The following CLASP2 variants were observed in gnomAD, a reference collection of about 807,000 sequenced individuals.
CLASP2 encodes CLIP-associating protein 2.
Under a neutral mutation model 194.4 loss-of-function variants are expected in CLASP2, and 47 were observed. The observed-to-expected ratio is 0.24, with a 90% confidence interval of 0.19 to 0.31. The LOEUF is 0.31. Ranked by LOEUF, CLASP2 falls within the 10% of genes least tolerant of loss-of-function variation. The pLI, the probability that CLASP2 is intolerant of heterozygous loss-of-function variation, is 1.00. For synonymous variants in CLASP2, 619 were observed against 633.5 expected (o/e 0.98, Z 0.34); for missense variants, 1,445 against 1,823.6 (o/e 0.79, Z 3.78).
chr3:33,568,160 G>A (rs1051150849), intron 26 of CLASP2, among the ~76,000 whole-genome samples: 1 of 152,002 alleles, frequency 6.6e-6, no homozygotes, highest in Non-Finnish European at 1.5e-5. Context: ...TATATGACAG[G>A]GGTCAGCAAA....
intron 26 of CLASP2, 129 bp downstream of exon 26, chr3:33,570,598 T>G: frequency 8.4e-7 from 1 of 1,186,766 alleles, no homozygotes; most frequent in Non-Finnish European, 1.2e-6. Flanking sequence ...ACCAAACAAT[T>G]TTAATTATGC....
chr3:33,575,157 T>C (rs1258085950), intron 24 of CLASP2, among the ~76,000 whole-genome samples: 1 of 152,146 alleles, frequency 6.6e-6, no homozygotes, highest in Non-Finnish European at 1.5e-5. Context: ...GTGATCAATA[T>C]ATCCCATGTT....
chr3:33,658,960 T>C, intron 7 of CLASP2: 1 of 1,532,770 alleles, frequency 6.5e-7, no homozygotes, highest in Non-Finnish European at 8.7e-7. Context: ...AGAAGAAAAA[T>C]AAATCTTACT....
intron 8 of CLASP2, among the ~76,000 whole-genome samples, chr3:33,633,423 G>A (rs982412249): frequency 1.3e-5 from 2 of 152,156 alleles, no homozygotes; most frequent in Non-Finnish European, 2.9e-5. Flanking sequence ...TGTTAAGCAG[G>A]AATAAATCTT....
chr3:33,541,346 A>G (rs1254193311), intron 32 of CLASP2, among the ~76,000 whole-genome samples: 5 of 152,150 alleles, frequency 3.3e-5, no homozygotes, highest in African/African-American at 1.2e-4. Context: ...TTTTAAGTTC[A>G]GGGGTATGTG....
intron 1 of CLASP2, among the ~76,000 whole-genome samples, chr3:33,716,929 G>T (rs1402007477): frequency 6.6e-6 from 1 of 152,126 alleles, no homozygotes; most frequent in East Asian, 1.9e-4. Context: ...TTCATCCATG[G>T]GAAGCTGCAG....
intron 6 of CLASP2, among the ~76,000 whole-genome samples, chr3:33,669,260 CAACA>C (rs1250427614): frequency 6.6e-5 from 10 of 151,986 alleles, no homozygotes; most frequent in Admixed American, 6.6e-5. Context: ...TTGCATTTGC[CAACA>C]AACAAACAAA....
At chr3:33,542,988 A>T (rs186444321) in intron 32 of CLASP2, among the ~76,000 whole-genome samples, 3 of 152,264 alleles carry the variant, frequency 2.0e-5, no homozygotes, top group Non-Finnish European at 4.4e-5. Flanking sequence ...TTCAAATAAA[A>T]TTTTTTTCAT....
intron 27 of CLASP2, among the ~76,000 whole-genome samples, chr3:33,563,295 C>A (rs1484217483): frequency 8.5e-5 from 13 of 152,154 alleles, no homozygotes; most frequent in Admixed American, 8.5e-4. Context: ...TCCCTTCTTT[C>A]TGGTTGCCAG....
intron 7 of CLASP2, 77 bp downstream of exon 7, chr3:33,663,368 G>T: frequency 9.7e-7 from 1 of 1,034,602 alleles, no homozygotes; most frequent in Non-Finnish European, 1.4e-6. Flanking sequence ...TTTTGAATCA[G>T]TGATATATAA....
chr3:33,602,757 G>C, intron 18 of CLASP2, 195 bp downstream of exon 18: 1 of 690,518 alleles, frequency 1.4e-6, no homozygotes. Context: ...TCAAGACGAT[G>C]ATGAGAACAA....
At chr3:33,645,161 T>A in intron 7 of CLASP2, 1 of 741,012 alleles carries the variant, frequency 1.3e-6, no homozygotes, top group Non-Finnish European at 2.5e-6. Flanking sequence ...ACATTTTAAC[T>A]CTAAAGGTAG....
intron 6 of CLASP2, among the ~76,000 whole-genome samples, chr3:33,669,858 A>G (rs916333411): frequency 1.3e-5 from 2 of 152,206 alleles, no homozygotes; most frequent in Admixed American, 1.3e-4. Context: ...AAAACTGTCC[A>G]TATCAACTAA....
chr3:33,709,606 A>G (rs1301569179), intron 1 of CLASP2, among the ~76,000 whole-genome samples: 1 of 152,140 alleles, frequency 6.6e-6, no homozygotes, highest in African/African-American at 2.4e-5. Flanking sequence ...CCAAGAACCA[A>G]GCAAAGCAGG....
chr3:33,570,872 T>TAAA, intron 25 of CLASP2, 82 bp from the exon 26 acceptor site: 5 of 794,152 alleles, frequency 6.3e-6, no homozygotes, highest in East Asian at 3.4e-5. Context: ...TAATTTTCTT[T>TAAA]AAAAAAAAAA....
chr3:33,684,682 A>G (rs764413558), intron 5 of CLASP2, among the ~76,000 whole-genome samples: 4 of 152,190 alleles, frequency 2.6e-5, no homozygotes, highest in East Asian at 1.9e-4. Context: ...CTTGTCAATA[A>G]AAGTTACTTA....
intron 31 of CLASP2, 139 bp from the exon 32 acceptor site, chr3:33,543,678 A>G (rs2058723774): frequency 3.5e-6 from 2 of 572,170 alleles, no homozygotes; most frequent in Admixed American, 3.0e-5. Context: ...ATATTCATGT[A>G]CTTACGTCTG....
intron 6 of CLASP2, among the ~76,000 whole-genome samples, chr3:33,666,316 C>T (rs1207182411): frequency 6.6e-6 from 1 of 152,048 alleles, no homozygotes; most frequent in Non-Finnish European, 1.5e-5. Context: ...TTTTCATCAC[C>T]CCAAAAAATA....
chr3:33,531,810 T>C (rs1162573577), intron 34 of CLASP2, among the ~76,000 whole-genome samples: 1 of 151,070 alleles, frequency 6.6e-6, no homozygotes, highest in African/African-American at 2.5e-5. Flanking sequence ...AAACCTACAA[T>C]GGGATATCGC....
Sources: gnomAD v4.1 joint callset for allele counts (sites outside exome capture counted in the v4.1 genomes callset) on GRCh38, gnomAD v4.1.1 for gene constraint, MANE v1.5 for transcripts, NCBI Gene and HGNC (gene_info 2026-07-23, HGNC 2026-07-21) for gene names.